MPPED2: variants seen among roughly 807,000 people sequenced by gnomAD.
The protein encoded by MPPED2 is metallophosphoesterase MPPED2.
MPPED2 carries 5 observed loss-of-function variants against 33.0 expected under a neutral mutation model. The observed-to-expected ratio is 0.15, with a 90% CI of 0.08 to 0.32. The LOEUF (loss-of-function observed/expected upper bound fraction) is 0.32. MPPED2 is among the 10% of genes least tolerant of loss of function. MPPED2 has a pLI of 1.00. For missense variants in MPPED2, 275 were observed against 372.1 expected (o/e 0.74, Z 2.15); for synonymous variants, 136 against 141.9 (o/e 0.96, Z 0.29).
At chr11:30,576,666 A>C (rs367972542) in intron 2 of MPPED2, among the ~76,000 whole-genome samples, 7 of 152,118 alleles carry the variant, frequency 4.6e-5, no homozygotes, top group Admixed American at 1.3e-4. Context: ...CATCATTAAA[A>C]ATACTAAATA....
chr11:30,546,289 T>C (rs1955423050), intron 2 of MPPED2, among the ~76,000 whole-genome samples: 1 of 152,144 alleles, frequency 6.6e-6, no homozygotes. Flanking sequence ...AAACATGTCT[T>C]CACTTAGCTC....
intron 1 of MPPED2, chr11:30,584,914 G>A (rs1226649822): frequency 6.6e-6 from 1 of 152,234 alleles, no homozygotes. Flanking sequence ...CCCCCGACCT[G>A]TTTGTGTTTG....
chr11:30,411,353 C>A lies in MPPED2; in HGVS notation c.*115G>T. The A allele has an allele frequency of 7.2e-7, 1 of 1,393,052 alleles. No homozygotes were observed. Among genetic ancestry groups the A allele is most frequent in the Non-Finnish European group, 9.4e-7 (1 of 1,061,904 alleles). The allele number at this position is 1,393,052 out of a possible 1,614,324, so 86.3% of individuals were successfully genotyped here. ...ACCTCTAGCATCATTTGTGTTCCAA[C>A]AATTTACAAAAAGAACTCACAGGGT... On this transcript the variant is annotated 3_prime_UTR_variant, in exon 7 of 7. Coordinates refer to ENST00000358117, the MANE Select transcript of MPPED2 (RefSeq NM_001584.3).
At chr11:30,473,061 T>TA (rs927780705) in intron 4 of MPPED2, among the ~76,000 whole-genome samples, 6 of 152,276 alleles carry the variant, frequency 3.9e-5, no homozygotes, top group Admixed American at 3.9e-4. Flanking sequence ...GAGTTGTGGT[T>TA]AAAAAAAGTT....
At chr11:30,493,226 C>A (rs1431256623) in intron 4 of MPPED2, among the ~76,000 whole-genome samples, 1 of 151,992 alleles carries the variant, frequency 6.6e-6, no homozygotes, top group Non-Finnish European at 1.5e-5. Flanking sequence ...AAAAAATTAG[C>A]CGGGCGCAGT....
intron 4 of MPPED2, among the ~76,000 whole-genome samples, chr11:30,449,830 C>T (rs1194986027): frequency 6.6e-6 from 1 of 152,094 alleles, no homozygotes; most frequent in East Asian, 1.9e-4. Context: ...CTTAAACAGA[C>T]CTTACTAAAA....
intron 6 of MPPED2, among the ~76,000 whole-genome samples, chr11:30,393,534 T>G (rs1947805064): frequency 6.6e-6 from 1 of 152,178 alleles, no homozygotes; most frequent in African/African-American, 2.4e-5. Context: ...TACCTGAGTA[T>G]GTATACCATC....
chr11:30,458,774 A>T (rs1401238781), intron 4 of MPPED2, among the ~76,000 whole-genome samples: 2 of 152,232 alleles, frequency 1.3e-5, no homozygotes, highest in Non-Finnish European at 2.9e-5. Flanking sequence ...TGGGTTAACA[A>T]GCACTGAGGT....
chr11:30,487,667 G>A (rs529202672), intron 4 of MPPED2, among the ~76,000 whole-genome samples: 40 of 151,934 alleles, frequency 2.6e-4, no homozygotes, highest in African/African-American at 8.2e-4. Flanking sequence ...GTAGAGATGG[G>A]GCCTCACTAT....
At chr11:30,549,201 C>T (rs1955584747) in intron 2 of MPPED2, among the ~76,000 whole-genome samples, 1 of 152,192 alleles carries the variant, frequency 6.6e-6, no homozygotes, top group Admixed American at 6.5e-5. Flanking sequence ...CAATTACATC[C>T]TTGCTCTTAT....
chr11:30,455,088 G>A (rs560666831), intron 4 of MPPED2, among the ~76,000 whole-genome samples: 202 of 152,332 alleles, frequency 1.3e-3, no homozygotes, highest in African/African-American at 4.8e-3. Context: ...TTACACTGGA[G>A]GCTAAGGTCT....
intron 4 of MPPED2, among the ~76,000 whole-genome samples, chr11:30,444,000 G>A (rs1345138191): frequency 6.6e-6 from 1 of 152,070 alleles, no homozygotes. Context: ...CAAAATAAAT[G>A]TCTTTTTTGT....
intron 4 of MPPED2, among the ~76,000 whole-genome samples, chr11:30,418,295 C>T (rs1264396760): frequency 1.3e-5 from 2 of 152,206 alleles, no homozygotes; most frequent in Admixed American, 1.3e-4. Flanking sequence ...ACTCTGGAAT[C>T]CACTCTCCTG....
At chr11:30,498,273 C>A (rs1010073541) in intron 3 of MPPED2, among the ~76,000 whole-genome samples, 1 of 151,882 alleles carries the variant, frequency 6.6e-6, no homozygotes, top group African/African-American at 2.4e-5. Flanking sequence ...AAAAAAAATC[C>A]TTGCTCTGAA....
intron 5 of MPPED2, among the ~76,000 whole-genome samples, chr11:30,414,713 T>C (rs1046340455): frequency 3.9e-5 from 6 of 152,224 alleles, no homozygotes; most frequent in Non-Finnish European, 7.3e-5. Flanking sequence ...TATTATATCT[T>C]TCTTATAGCA....
chr11:30,530,586 C>T (rs1954467229), intron 3 of MPPED2, among the ~76,000 whole-genome samples: 1 of 152,136 alleles, frequency 6.6e-6, no homozygotes, highest in African/African-American at 2.4e-5. Context: ...GAAGTGGGAA[C>T]AGCGTTTTCA....
intron 3 of MPPED2, among the ~76,000 whole-genome samples, chr11:30,521,184 T>C (rs1370501317): frequency 6.6e-6 from 1 of 152,144 alleles, no homozygotes; most frequent in Non-Finnish European, 1.5e-5. Context: ...ATTTTCATTG[T>C]ATATTCTTCA....
At chr11:30,471,631 TTC>T (rs1477769868) in intron 4 of MPPED2, among the ~76,000 whole-genome samples, 3 of 152,214 alleles carry the variant, frequency 2.0e-5, no homozygotes, top group Non-Finnish European at 4.4e-5. Context: ...AATGATCTAC[TTC>T]TCTCTCTCTT....
chr11:30,452,581 C>T (rs1017841607), intron 4 of MPPED2, among the ~76,000 whole-genome samples: 2 of 152,194 alleles, frequency 1.3e-5, no homozygotes, highest in African/African-American at 4.8e-5. Flanking sequence ...TACTAAGTCA[C>T]ACCTCTGGGG....
Sources: gnomAD v4.1 joint callset for allele counts (sites outside exome capture counted in the v4.1 genomes callset) on GRCh38, gnomAD v4.1.1 for gene constraint, MANE v1.5 for transcripts, NCBI Gene and HGNC (gene_info 2026-07-23, HGNC 2026-07-21) for gene names.